Variants in ATAD1 observed in about 807,000 individuals in gnomAD.
The protein encoded by ATAD1 is outer mitochondrial transmembrane helix translocase.
ATAD1 carries 18 observed loss-of-function variants against 42.7 expected under a neutral mutation model. That is an observed-to-expected ratio of 0.42 (90% CI 0.29 to 0.63). The LOEUF is 0.63. Among genes scored for constraint, ATAD1 ranks in the 20% least tolerant of loss-of-function variants. The pLI is 0.19. For synonymous variants in ATAD1, 132 were observed against 143.1 expected (o/e 0.92, Z 0.55); for missense variants, 294 against 440.4 (o/e 0.67, Z 2.98).
intron 8 of ATAD1, 51 bp downstream of exon 8, chr10:87,767,622 T>C (rs1426880686): frequency 2.0e-6 from 3 of 1,483,628 alleles, no homozygotes; most frequent in Admixed American, 1.8e-5. Context: ...AAAATAACTT[T>C]ATGAACATCA....
chr10:87,831,263 A>G (rs563579504), intron 1 of ATAD1, among the ~76,000 whole-genome samples: 2 of 148,008 alleles, frequency 1.4e-5, no homozygotes, highest in East Asian at 3.9e-4. Context: ...CATTCTGGTG[A>G]CATAGGATTC....
At chr10:87,759,161 C>A (rs746556046) in intron 8 of ATAD1, among the ~76,000 whole-genome samples, 1 of 151,960 alleles carries the variant, frequency 6.6e-6, no homozygotes, top group African/African-American at 2.4e-5. Flanking sequence ...CCTTAAGAAA[C>A]AGACACATAC....
At chr10:87,837,557 G>A (rs1430040816) in intron 1 of ATAD1, among the ~76,000 whole-genome samples, 2 of 152,102 alleles carry the variant, frequency 1.3e-5, no homozygotes, top group Non-Finnish European at 2.9e-5. Flanking sequence ...GGTGAGTCTA[G>A]GAGGTTATAA....
intron 3 of ATAD1, among the ~76,000 whole-genome samples, chr10:87,792,208 CTGTT>C (rs975236863): frequency 6.6e-6 from 1 of 152,230 alleles, no homozygotes; most frequent in African/African-American, 2.4e-5. Context: ...TGTGCCTAAA[CTGTT>C]TGTGCAAACA....
intron 8 of ATAD1, chr10:87,759,810 A>G (rs1854398622): frequency 2.2e-6 from 1 of 454,742 alleles, no homozygotes; most frequent in Non-Finnish European, 4.4e-6. Context: ...ACTAATATGT[A>G]CTCCTTAGAT....
At chr10:87,802,561 T>C (rs1332684665) in intron 2 of ATAD1, among the ~76,000 whole-genome samples, 3 of 151,088 alleles carry the variant, frequency 2.0e-5, no homozygotes, top group African/African-American at 7.3e-5. Flanking sequence ...ATCCCAGCAC[T>C]TTGGGAGGCC....
chr10:87,791,403 A>C (rs1261580045), intron 3 of ATAD1, among the ~76,000 whole-genome samples: 2 of 152,122 alleles, frequency 1.3e-5, no homozygotes, highest in African/African-American at 4.8e-5. Flanking sequence ...ATTTCCTTCA[A>C]AATGTAAAAA....
At chr10:87,815,242 A>G (rs1857363136) in intron 1 of ATAD1, among the ~76,000 whole-genome samples, 1 of 152,074 alleles carries the variant, frequency 6.6e-6, no homozygotes, top group South Asian at 2.1e-4. Context: ...GAACTGAGAC[A>G]ACTACTACAA....
At chr10:87,788,684 G>A (rs1718156726) in intron 4 of ATAD1, among the ~76,000 whole-genome samples, 1 of 152,136 alleles carries the variant, frequency 6.6e-6, no homozygotes, top group African/African-American at 2.4e-5. Context: ...AAAAAAAGAA[G>A]CTTTCTCCAA....
chr10:87,761,197 T>C (rs1218030920), intron 8 of ATAD1, among the ~76,000 whole-genome samples: 1 of 152,208 alleles, frequency 6.6e-6, no homozygotes, highest in Non-Finnish European at 1.5e-5. Context: ...AAATTAATTT[T>C]CTTCAGATTT....
rs1241075645 is a variant in ATAD1, at chr10:87,752,820, C to T, written c.*1867G>A. On this transcript the variant is annotated 3_prime_UTR_variant, in exon 10 of 10. Transcript: ENST00000680024. ...TCTAACTTCATTTGATGATTAAAAC[C>T]ACGAAGAAATTGAATAACCACTCCT... 4 of 151,926 alleles carry T rather than the reference C, an allele frequency of 2.6e-5. No individual in the cohort carries two copies. Among genetic ancestry groups the T allele is most frequent in the African/African-American group, 9.7e-5 (4 of 41,352 alleles). 9.4% of individuals were successfully genotyped at this position (151,926 alleles called of 1,614,324 possible). A position where few individuals can be genotyped will look rare whatever the true frequency, so the allele number is the denominator to read the frequency against.
At chr10:87,765,137 A>C (rs1172828295) in intron 8 of ATAD1, among the ~76,000 whole-genome samples, 1 of 152,060 alleles carries the variant, frequency 6.6e-6, no homozygotes, top group Non-Finnish European at 1.5e-5. Context: ...AAAAAATAGG[A>C]AGTGTGGAAG....
At chr10:87,826,735 C>A (rs958254002) in intron 1 of ATAD1, among the ~76,000 whole-genome samples, 1 of 152,100 alleles carries the variant, frequency 6.6e-6, no homozygotes, top group Non-Finnish European at 1.5e-5. Context: ...CTCTTCTGTC[C>A]CTCTCTCACC....
chr10:87,819,309 G>A (rs1857579190), upstream of ATAD1: 1 of 138,194 alleles, frequency 7.2e-6, no homozygotes, highest in Non-Finnish European at 1.5e-5. Flanking sequence ...AAAATTAGCT[G>A]GATTTGGTGG....
chr10:87,813,403 A>G (rs746141837), intron 2 of ATAD1, among the ~76,000 whole-genome samples: 33 of 152,020 alleles, frequency 2.2e-4, no homozygotes, highest in Non-Finnish European at 4.4e-4. Context: ...GAGACTTACA[A>G]ATAGGCTGAT....
intron 2 of ATAD1, among the ~76,000 whole-genome samples, chr10:87,800,657 T>C (rs1040899368): frequency 2.0e-5 from 3 of 152,216 alleles, no homozygotes; most frequent in African/African-American, 4.8e-5. Context: ...TGTATCTTTC[T>C]ATATGTTCAA....
At chr10:87,839,705 T>C (rs1857995192) in intron 1 of ATAD1, among the ~76,000 whole-genome samples, 1 of 151,832 alleles carries the variant, frequency 6.6e-6, no homozygotes, top group East Asian at 1.9e-4. Context: ...CTTTCTTTCT[T>C]CCCCCCCGCC....
intron 2 of ATAD1, among the ~76,000 whole-genome samples, chr10:87,811,128 T>A (rs1224566197): frequency 6.6e-6 from 1 of 151,648 alleles, no homozygotes; most frequent in Admixed American, 6.6e-5. Flanking sequence ...AGGTCAGGAG[T>A]TCAAGACCAG....
intron 2 of ATAD1, among the ~76,000 whole-genome samples, chr10:87,811,353 A>G (rs995807405): frequency 1.3e-5 from 2 of 152,072 alleles, no homozygotes; most frequent in Admixed American, 1.3e-4. Context: ...AAATAAATAA[A>G]TAAATAAAAC....
Sources: gnomAD v4.1 joint callset for allele counts (sites outside exome capture counted in the v4.1 genomes callset) on GRCh38, gnomAD v4.1.1 for gene constraint, MANE v1.5 for transcripts, NCBI Gene and HGNC (gene_info 2026-07-23, HGNC 2026-07-21) for gene names.